Variants in MYOZ1 observed in about 807,000 individuals in gnomAD.
MYOZ1 encodes the protein myozenin 1.
Under a neutral mutation model 28.7 loss-of-function variants are expected in MYOZ1, and 20 were observed. The observed-to-expected ratio is 0.70, with a 90% CI of 0.49 to 1.01. The LOEUF (loss-of-function observed/expected upper bound fraction) is 1.01, where lower values mean the gene tolerates loss of function less well. MYOZ1 is among the 50% of genes least tolerant of loss of function. The pLI is 0.00. For missense variants in MYOZ1, 371 were observed against 372.4 expected (o/e 1.00, Z 0.03); for synonymous variants, 144 against 145.8 (o/e 0.99, Z 0.09).
intron 3 of MYOZ1, among the ~76,000 whole-genome samples, chr10:73,636,030 C>T (rs551065419): frequency 2.6e-5 from 4 of 152,284 alleles, no homozygotes; most frequent in African/African-American, 9.6e-5. Flanking sequence ...TGCTTTTGGC[C>T]TCCTAAAGTT....
chr10:73,636,044 T>TA (rs2081665373), intron 3 of MYOZ1, among the ~76,000 whole-genome samples: 1 of 152,152 alleles, frequency 6.6e-6, no homozygotes. Flanking sequence ...TAAAGTTAGA[T>TA]ATGAGCAGCT....
chr10:73,641,399 C>G lies in MYOZ1; in HGVS notation c.-19+12G>C, dbSNP rs1416533052. On this transcript the variant is annotated intron_variant, in intron 1 of 5. Transcript: ENST00000359322. ...GGCTCCAGCCTTTCTAACGATAGAGCTGGAGACTTACCGGCTGCTCGGGCA... is the reference window on the plus strand; with the variant it reads ...GGCTCCAGCCTTTCTAACGATAGAGGTGGAGACTTACCGGCTGCTCGGGCA... 1 of 152,342 alleles carries G rather than the reference C, an allele frequency of 6.6e-6. No homozygotes were observed. Among genetic ancestry groups the G allele is most frequent in the African/African-American group, 2.4e-5 (1 of 41,466 alleles). 9.4% of individuals were successfully genotyped at this position (152,342 alleles called of 1,614,324 possible). A position where few individuals can be genotyped will look rare whatever the true frequency, so the allele number is the denominator to read the frequency against.
intron 5 of MYOZ1, among the ~76,000 whole-genome samples, chr10:73,632,783 C>CAAA (rs778322709): frequency 2.3e-4 from 27 of 119,926 alleles, no homozygotes; most frequent in African/African-American, 6.8e-4. Flanking sequence ...GACTCTGTCT[C>CAAA]AAAAAAAAAA....
Position 73,637,863 on chromosome 10 carries a change from T to A in MYOZ1, c.133A>T (p.Met45Leu), listed in dbSNP as rs2081676852. Residue 45 changes from methionine to leucine, a missense_variant, in exon 3 of 6, where the codon ATG becomes TTG. Met to Leu is a conservative substitution (Grantham distance 15). Coordinates refer to ENST00000359322, the MANE Select transcript of MYOZ1 (RefSeq NM_021245.4). ...GKKISVPRDVMLEELSLLTNR... is the reference protein window; with the variant it reads ...GKKISVPRDVLLEELSLLTNR... ...GTAAGCAGCGACAGTTCCTCCAACA[T>A]CACATCCCTTGGGACACTGATCTTT... The A allele has an allele frequency of 1.9e-6, 3 of 1,614,004 alleles. No individual in the cohort carries two copies. The African/African-American group carries it at 4.0e-5, about 22-fold the overall frequency.
chr10:73,637,653 A>T, intron 3 of MYOZ1, 91 bp downstream of exon 3: 2 of 1,220,288 alleles, frequency 1.6e-6, no homozygotes, highest in Non-Finnish European at 2.3e-6. Flanking sequence ...CAGGGAGGGG[A>T]TGTTGACTGC....
chr10:73,640,673 T>C (rs950380761), intron 1 of MYOZ1, among the ~76,000 whole-genome samples: 5 of 152,180 alleles, frequency 3.3e-5, no homozygotes, highest in African/African-American at 1.2e-4. Flanking sequence ...CCAGGTTTCA[T>C]TGGCTTGGCA....
At position 73,632,079 on chromosome 10, in the gene MYOZ1, G is replaced by A; in HGVS notation, c.751C>T (p.Leu251=). The stretch of plus-strand genomic sequence containing the variant: ...TTGTAGAGGACCAGGGGTTCACTCA[G>A]CAAGGGCCCCAGGTCAAACTTGGGC... ...QMPKFDLGPL[L]SEPLVLYNQN... Residue 251 remains leucine, a synonymous_variant, in exon 6 of 6, where the codon CTG becomes TTG. Transcript: ENST00000359322. 1 of 1,614,188 alleles carries A rather than the reference G, an allele frequency of 6.2e-7. No individual in the cohort carries two copies. The highest frequency in any genetic ancestry group is 8.5e-7 in the Non-Finnish European group (1 of 1,180,028).
chr10:73,634,511 T>A lies in MYOZ1; in HGVS notation c.475A>T (p.Thr159Ser). 6.2e-7 allele frequency: 1 copy of A among 1,614,160 alleles called. No homozygotes were observed. Among genetic ancestry groups the A allele is most frequent in the Non-Finnish European group, 8.5e-7 (1 of 1,180,014 alleles). ...GATCCTGTCTCACCAACCCCTGCTG[T>A]GCCAGCAGCTCCTCCTCTGCCAGCC... Reference protein sequence around the residue: ...GQAGRGGAAGTAGVGETGSGD... With the variant: ...GQAGRGGAAGSAGVGETGSGD... Residue 159 changes from threonine to serine, a missense_variant, in exon 4 of 6, where the codon ACA becomes TCA. Transcript: ENST00000359322.
At chr10:73,637,335 T>A (rs1451156078) in intron 3 of MYOZ1, among the ~76,000 whole-genome samples, 1 of 151,738 alleles carries the variant, frequency 6.6e-6, no homozygotes, top group Non-Finnish European at 1.5e-5. Flanking sequence ...CTTTCTAAAA[T>A]TTTTTTAAAT....
At chr10:73,639,904 C>A in intron 2 of MYOZ1, 41 bp downstream of exon 2, 1 of 1,590,446 alleles carries the variant, frequency 6.3e-7, no homozygotes, top group South Asian at 1.1e-5. Flanking sequence ...TAGGGATGCT[C>A]TTAAGAAGTC....
chr10:73,634,363 A>T, intron 4 of MYOZ1, 121 bp downstream of exon 4: 1 of 1,129,032 alleles, frequency 8.9e-7, no homozygotes. Context: ...TGATATTATT[A>T]TATTTAATAT....
Position 73,637,726 on chromosome 10 carries a change from A to G in MYOZ1, c.252+18T>C. 1 of 1,599,328 alleles carries G rather than the reference A, an allele frequency of 6.3e-7. No individual in the cohort carries two copies. ...ACAGGCACCAGGCTTTGAGATAGTG[A>G]TAAAGTTCCAGACTCACCATTGAGC... is the stretch of plus-strand genomic sequence containing the variant. On this transcript the variant is annotated intron_variant, in intron 3 of 5. Transcript: ENST00000359322.
chr10:73,634,709 T>C lies in MYOZ1; in HGVS notation c.277A>G (p.Thr93Ala). The C allele has an allele frequency of 6.2e-7, 1 of 1,613,726 alleles. No individual in the cohort carries two copies. The highest frequency in any genetic ancestry group is 8.5e-7 in the Non-Finnish European group (1 of 1,179,678). ...SMDHFQKFLPTVGGQLGTAGQ... is the reference protein window; with the variant it reads ...SMDHFQKFLPAVGGQLGTAGQ... ...GCTGTGCCCAGCTGTCCCCCCACTG[T>C]TGGAAGGAACTTCTGGAAGTGATCC... Residue 93 changes from threonine to alanine, a missense_variant, in exon 4 of 6, where the codon ACA becomes GCA. Transcript: ENST00000359322.
intron 2 of MYOZ1, among the ~76,000 whole-genome samples, chr10:73,639,527 A>G (rs1029583172): frequency 2.6e-5 from 4 of 152,032 alleles, no homozygotes; most frequent in African/African-American, 9.7e-5. Flanking sequence ...ACCCCTGCCC[A>G]CCCCCAGGAA....
chr10:73,635,382 A>C (rs2081662068), intron 3 of MYOZ1, among the ~76,000 whole-genome samples: 1 of 151,752 alleles, frequency 6.6e-6, no homozygotes, highest in South Asian at 2.1e-4. Flanking sequence ...AAAATGAAAA[A>C]AAATTCTTTT....
intron 3 of MYOZ1, among the ~76,000 whole-genome samples, chr10:73,635,997 A>T (rs1284486178): frequency 6.6e-6 from 1 of 152,166 alleles, no homozygotes; most frequent in African/African-American, 2.4e-5. Flanking sequence ...CACCCAGTGT[A>T]ACCAGACCCA....
chr10:73,636,199 C>T (rs2081666419), intron 3 of MYOZ1, among the ~76,000 whole-genome samples: 2 of 152,188 alleles, frequency 1.3e-5, no homozygotes, highest in South Asian at 4.1e-4. Context: ...CCTTCTTCCT[C>T]AGCTATACCA....
At position 73,631,874 on chromosome 10, in the gene MYOZ1, C is replaced by G. The variant is rs2081636827; in HGVS notation, c.*56G>C. The G allele has an allele frequency of 6.8e-7, 1 of 1,473,840 alleles. No individual in the cohort carries two copies. Among genetic ancestry groups the G allele is most frequent in the African/African-American group, 1.4e-5 (1 of 71,926 alleles). The allele number at this position is 1,473,840 out of a possible 1,614,324, so 91.3% of individuals were successfully genotyped here. On this transcript the variant is annotated 3_prime_UTR_variant, in exon 6 of 6. Transcript: ENST00000359322. ...AATGGGGGCTATCTGCTCAGCATTC[C>G]CTCTCCAAATTGGAGCCAGAGAGGG...
At chr10:73,640,750 C>T (rs1455432236) in intron 1 of MYOZ1, among the ~76,000 whole-genome samples, 4 of 152,164 alleles carry the variant, frequency 2.6e-5, no homozygotes, top group Non-Finnish European at 5.9e-5. Context: ...CTGGTCTCTC[C>T]TCAGTCTTCC....
Sources: allele counts gnomAD v4.1 joint callset (sites outside exome capture counted in the v4.1 genomes callset), GRCh38; gene constraint gnomAD v4.1.1; transcripts MANE v1.5; gene names NCBI Gene and HGNC (gene_info 2026-07-23, HGNC 2026-07-21).